Variants in CPAMD8 observed in about 807,000 individuals in gnomAD.
CPAMD8 encodes C3 and PZP-like alpha-2-macroglobulin domain-containing protein 8.
CPAMD8 carries 146 observed loss-of-function variants against 224.7 expected under a neutral mutation model. The ratio of observed to expected loss-of-function variants is 0.65; its 90% CI spans 0.57 to 0.75. The LOEUF (loss-of-function observed/expected upper bound fraction) is 0.75, where lower values mean the gene tolerates loss of function less well. Ranked by LOEUF, CPAMD8 falls within the 30% of genes least tolerant of loss-of-function variation. The pLI, the probability that CPAMD8 is intolerant of heterozygous loss-of-function variation, is 0.00. For synonymous variants in CPAMD8, 966 were observed against 1,044.6 expected (o/e 0.92, Z 1.45); for missense variants, 2,301 against 2,537.5 (o/e 0.91, Z 2.00).
intron 6 of CPAMD8, 27 bp downstream of exon 6, chr19:17,009,276 A>G: frequency 6.2e-7 from 1 of 1,613,982 alleles, no homozygotes; most frequent in South Asian, 1.1e-5. Context: ...CCCAAGTCCA[A>G]GCCGAGGAAG....
chr19:16,998,903 A>G (rs541638269), intron 10 of CPAMD8, among the ~76,000 whole-genome samples: 54 of 152,206 alleles, frequency 3.5e-4, no homozygotes, highest in Non-Finnish European at 4.4e-4. Context: ...CATGAGACAT[A>G]ATAGCCAAAA....
rs560293499 is a variant in CPAMD8 at position 16,901,575 on chromosome 19, C to CT, written c.4686-279dup. ...ATTGTGTTCTGTCCTGGACTTCACT[C>CT]TGTGTCCCCAGCCTGGGAAGCAGCT... On this transcript the variant is annotated intron_variant, in intron 35 of 41. Coordinates refer to ENST00000443236, the MANE Select transcript of CPAMD8 (RefSeq NM_015692.5). Among the ~76,000 whole-genome samples the CT allele has an allele frequency of 2.6e-3, 390 of 152,332 alleles. 1 individual carries two copies. The highest frequency in any genetic ancestry group is 0.014 in the Middle Eastern group (4 of 294).
At chr19:16,915,203 T>C (rs1262452592) in intron 27 of CPAMD8, among the ~76,000 whole-genome samples, 1 of 151,732 alleles carries the variant, frequency 6.6e-6, no homozygotes, top group Non-Finnish European at 1.5e-5. Context: ...CTGATCTCAT[T>C]CAGGGGCCAG....
intron 26 of CPAMD8, 114 bp from the exon 27 acceptor site, chr19:16,922,100 A>C: frequency 3.0e-6 from 2 of 655,894 alleles, no homozygotes; most frequent in Non-Finnish European, 5.2e-6. Context: ...GCCACACCAC[A>C]TGTGGGGTCC....
Position 16,928,926 on chromosome 19 carries a change from C to A in CPAMD8, c.3144+16G>T, listed in dbSNP as rs1350102086. The A allele has an allele frequency of 3.2e-6, 5 of 1,572,570 alleles. No individual in the cohort carries two copies. Among genetic ancestry groups the A allele is most frequent in the East Asian group, 4.5e-5 (2 of 44,486 alleles). ...ATGAGGCTTCTGCACAAGCCCCAGG[C>A]AGTTCTGCTGTATACCTGGATAAGG... On this transcript the variant is annotated intron_variant, in intron 24 of 41. Transcript: ENST00000443236.
Position 16,989,688 on chromosome 19 carries a change from G to C in CPAMD8, c.1350C>G (p.Pro450=). 1 of 1,614,032 alleles carries C rather than the reference G, an allele frequency of 6.2e-7. No homozygotes were observed. The highest frequency in any genetic ancestry group is 8.5e-7 in the Non-Finnish European group (1 of 1,179,978). Residue 450 remains proline, a synonymous_variant, in exon 13 of 42, where the codon CCC becomes CCG. Transcript: ENST00000443236. ...GCTGCAGCTGCAGGTAGCACTGGCT[G>C]GGGGAGTACCAGCTGCCGAGGGAGA... The part of the protein sequence containing the change: ...SYLSLGSWYS[P]SQCYLQLQPP...
chr19:16,935,687 C>T (rs975029792), intron 23 of CPAMD8, among the ~76,000 whole-genome samples: 5 of 152,134 alleles, frequency 3.3e-5, no homozygotes, highest in Non-Finnish European at 7.3e-5. Context: ...GGGGCTACTA[C>T]AAATAAAGCT....
chr19:16,920,919 G>A (rs924040426), intron 27 of CPAMD8, among the ~76,000 whole-genome samples: 1 of 151,864 alleles, frequency 6.6e-6, no homozygotes, highest in Non-Finnish European at 1.5e-5. Flanking sequence ...GGCTGGTGGA[G>A]GCCTCCTAGG....
At position 16,896,482 on chromosome 19, in the gene CPAMD8, G is replaced by A. The variant is rs1025958802; in HGVS notation, c.5249C>T (p.Pro1750Leu). The A allele has an allele frequency of 7.7e-6, 11 of 1,432,052 alleles. No homozygotes were observed. The South Asian group carries it at 1.3e-4, about 18-fold the overall frequency. The allele number at this position is 1,432,052 out of a possible 1,614,324, so 88.7% of individuals were successfully genotyped here. The change falls in exon 40 of 42, where the codon CCC becomes CTC. Residue 1750 changes from proline (P) to leucine (L), a missense_variant. By Grantham distance (98) the Pro-to-Leu change is moderately conservative. Coordinates refer to ENST00000443236, the MANE Select transcript of CPAMD8 (RefSeq NM_015692.5). The stretch of plus-strand genomic sequence containing the variant: ...GAGGGCGCAGCAGCTGGGAGGCGCG[G>A]GCTCCAGGGGCGCGGCCTGGCGGCA... ...AACRQAAPLE[P>L]APPSCCALEQ... is the part of the protein sequence containing the mutation.
chr19:16,938,354 C>T, intron 23 of CPAMD8, 41 bp downstream of exon 23: 1 of 1,238,652 alleles, frequency 8.1e-7, no homozygotes, highest in Non-Finnish European at 1.1e-6. Flanking sequence ...CTGACCCAGC[C>T]AGGTGGCCAC....
intron 8 of CPAMD8, among the ~76,000 whole-genome samples, chr19:17,003,492 T>C (rs1433652868): frequency 6.6e-6 from 1 of 150,636 alleles, no homozygotes; most frequent in Non-Finnish European, 1.5e-5. Context: ...GCCACCACCA[T>C]GCCTGGCCTA....
Position 16,904,265 on chromosome 19 carries a change from G to C in CPAMD8, c.4212C>G (p.Ser1404=). The C allele has an allele frequency of 6.2e-7, 1 of 1,613,360 alleles. No homozygotes were observed. The highest frequency in any genetic ancestry group is 8.5e-7 in the Non-Finnish European group (1 of 1,179,974). ...AGCCCCCAAGTGCATTTCGCTGCTGGGACAGCCACTTCACCACAGGCAGGG... is the reference window on the plus strand; with the variant it reads ...AGCCCCCAAGTGCATTTCGCTGCTGCGACAGCCACTTCACCACAGGCAGGG... ...AAALPVVKWL[S]QQRNALGGFS... The change falls in exon 32 of 42, where the codon TCC becomes TCG. Residue 1404 remains serine, a synonymous_variant. Transcript: ENST00000443236.
At chr19:16,904,006 G>T in intron 32 of CPAMD8, 149 bp from the exon 33 acceptor site, 1 of 919,718 alleles carries the variant, frequency 1.1e-6, no homozygotes, top group Non-Finnish European at 1.6e-6. Flanking sequence ...GGCACTGGGG[G>T]CCTCAGGACA....
intron 13 of CPAMD8, among the ~76,000 whole-genome samples, chr19:16,987,179 A>AAATATATATAT (rs1555784836): frequency 3.7e-5 from 2 of 53,918 alleles, no homozygotes; most frequent in Non-Finnish European, 5.8e-5. Flanking sequence ...AAAAAAAAAA[A>AAATATATATAT]ATATATATAT....
At chr19:16,918,413 G>A (rs1034688060) in intron 27 of CPAMD8, among the ~76,000 whole-genome samples, 7 of 99,712 alleles carry the variant, frequency 7.0e-5, no homozygotes, top group Non-Finnish European at 1.2e-4. Flanking sequence ...TCAACTTTTC[G>A]TTTTTGGAAC....
intron 17 of CPAMD8, among the ~76,000 whole-genome samples, chr19:16,971,428 G>C (rs2055058790): frequency 6.6e-6 from 1 of 152,162 alleles, no homozygotes; most frequent in African/African-American, 2.4e-5. Context: ...TGACCATCCA[G>C]GGTGGAGAAG....
At chr19:16,970,030 C>T (rs1391760156) in intron 18 of CPAMD8, among the ~76,000 whole-genome samples, 2 of 149,008 alleles carry the variant, frequency 1.3e-5, no homozygotes, top group Admixed American at 6.7e-5. Context: ...GTCAGGAGAT[C>T]GAGACCATCC....
chr19:16,907,389 C>T, intron 29 of CPAMD8: 1 of 221,738 alleles, frequency 4.5e-6, no homozygotes, highest in Non-Finnish European at 8.5e-6. Context: ...GGGTGGATCA[C>T]CTGAGGTCAG....
chr19:16,903,425 G>GA, intron 34 of CPAMD8, 136 bp downstream of exon 34: 14 of 1,330,718 alleles, frequency 1.1e-5, no homozygotes, highest in Non-Finnish European at 1.4e-5. Flanking sequence ...TTAGAAGGCT[G>GA]AAAACCTGTC....
Sources: gnomAD v4.1 joint callset for allele counts (sites outside exome capture counted in the v4.1 genomes callset) on GRCh38, gnomAD v4.1.1 for gene constraint, MANE v1.5 for transcripts, NCBI Gene and HGNC (gene_info 2026-07-23, HGNC 2026-07-21) for gene names.